Variants in ZNF106 observed in about 807,000 individuals in gnomAD.
ZNF106 encodes SH3-domain binding protein 3.
ZNF106 carries 67 observed loss-of-function variants against 195.1 expected under a neutral mutation model. That is an observed-to-expected ratio of 0.34 (90% CI 0.28 to 0.42). The LOEUF (loss-of-function observed/expected upper bound fraction) is 0.42, where lower values mean the gene tolerates loss of function less well. Ranked by LOEUF, ZNF106 falls within the 10% of genes least tolerant of loss-of-function variation. ZNF106 has a pLI of 1.00. For missense variants in ZNF106, 2,118 were observed against 2,304.5 expected, an observed-to-expected ratio of 0.92 and a Z score of 1.66; for synonymous variants, 784 against 818.6, an observed-to-expected ratio of 0.96 and a Z score of 0.72.
chr15:42,464,589 G>A (rs2056471071), intron 3 of ZNF106, among the ~76,000 whole-genome samples: 1 of 139,824 alleles, frequency 7.2e-6, no homozygotes, highest in Non-Finnish European at 1.5e-5. Context: ...GTGTGGTGGT[G>A]TGATCTTGGC....
At chr15:42,485,453 A>G (rs930100736) in intron 1 of ZNF106, among the ~76,000 whole-genome samples, 1 of 152,196 alleles carries the variant, frequency 6.6e-6, no homozygotes, top group African/African-American at 2.4e-5. Context: ...CTGTCCATGA[A>G]GACTTCGTAT....
rs920316652 is a variant in ZNF106, at chr15:42,451,765, G to C, written c.507C>G (p.Ser169Arg). The change falls in exon 5 of 22, where the codon AGC (serine) becomes AGG (arginine). Residue 169 changes from serine (S) to arginine (R), a missense_variant. Physicochemically the swap from Ser to Arg is moderately radical, Grantham distance 110. Coordinates refer to ENST00000564754, the MANE Select transcript of ZNF106 (RefSeq NM_001366845.3). The stretch of plus-strand genomic sequence containing the variant: ...CACCATTCCTCAAAGAATGTGGAAA[G>C]CTGTTTTTCCTAGTATTATTAAAGC... ...KDGFNNTRKNSFPHSLRNGGG... is the reference protein window; with the variant it reads ...KDGFNNTRKNRFPHSLRNGGG... The C allele has an allele frequency of 6.2e-7, 1 of 1,614,226 alleles. No homozygotes were observed. Among genetic ancestry groups the C allele is most frequent in the African/African-American group, 1.3e-5 (1 of 75,064 alleles).
At chr15:42,448,854 G>A in intron 5 of ZNF106, 149 bp from the exon 6 acceptor site, 1 of 713,524 alleles carries the variant, frequency 1.4e-6, no homozygotes, top group Non-Finnish European at 2.3e-6. Flanking sequence ...CTAGTCAGTG[G>A]TACAGATATA....
chr15:42,454,961 C>A (rs2056179429), intron 4 of ZNF106, among the ~76,000 whole-genome samples: 5 of 151,662 alleles, frequency 3.3e-5, no homozygotes, highest in Non-Finnish European at 5.9e-5. Flanking sequence ...TCAAAAGACT[C>A]AAAAAATAGT....
At chr15:42,432,137 C>T (rs574730898) in intron 14 of ZNF106, among the ~76,000 whole-genome samples, 1 of 152,182 alleles carries the variant, frequency 6.6e-6, no homozygotes, top group East Asian at 1.9e-4. Flanking sequence ...GGATATCCTC[C>T]TTTCTCCAGT....
rs61753567 is a variant in ZNF106, at chr15:42,442,122, C to T, written c.3714G>A (p.Val1238=). 0.073 allele frequency: 117,633 copies of T among 1,613,890 alleles called. 5,320 individuals are homozygous for T. Among genetic ancestry groups the T allele is most frequent in the South Asian group, 0.17 (15,489 of 91,048 alleles). Residue 1238 remains valine (V), a synonymous_variant, in exon 10 of 22, where the codon GTG becomes GTA. Transcript: ENST00000564754. ...ACACATTGCAGGCAGAGCTTGGTGG[C>T]ACAGCATTCACATTCTCATCTTGTT... is the stretch of plus-strand genomic sequence containing the variant. ...SPEQDENVNA[V]PPSSACNVSK...
At chr15:42,445,047 A>G in intron 7 of ZNF106, 66 bp from the exon 8 acceptor site, 1 of 1,569,264 alleles carries the variant, frequency 6.4e-7, no homozygotes, top group Non-Finnish European at 8.7e-7. Context: ...ACAGCTCAGA[A>G]GACTAAACTA....
At chr15:42,470,145 C>A (rs1048290780) in intron 2 of ZNF106, among the ~76,000 whole-genome samples, 1 of 152,100 alleles carries the variant, frequency 6.6e-6, no homozygotes, top group African/African-American at 2.4e-5. Flanking sequence ...CAGTAAGACT[C>A]CATCTCTATT....
chr15:42,439,328 C>T lies in ZNF106; in HGVS notation c.4249G>A (p.Gly1417Arg), dbSNP rs2055409109. ...KVKAGKLIKG[G>R]KVTTSTWEDS... ...TCCCAAGTGGAGGTTGTTACTTTCC[C>T]CCCTTTAATTAACTTTCCAGCTTTT... The change falls in exon 11 of 22, where the codon GGG becomes AGG. Residue 1417 changes from glycine to arginine, a missense_variant. By Grantham distance (125) the Gly-to-Arg change is moderately radical. Coordinates refer to ENST00000564754, the MANE Select transcript of ZNF106 (RefSeq NM_001366845.3). 1 of 1,613,950 alleles carries T rather than the reference C, an allele frequency of 6.2e-7. No individual in the cohort carries two copies. Among genetic ancestry groups the T allele is most frequent in the Admixed American group, 1.7e-5 (1 of 60,000 alleles).
At chr15:42,452,784 C>T (rs1398099167) in intron 4 of ZNF106, among the ~76,000 whole-genome samples, 1 of 147,978 alleles carries the variant, frequency 6.8e-6, no homozygotes, top group Non-Finnish European at 1.5e-5. Flanking sequence ...CTCCCAGGCT[C>T]AAGCAATTCT....
chr15:42,435,587 AC>A (rs2055245046), intron 13 of ZNF106, 69 bp from the exon 14 acceptor site: 1 of 1,584,938 alleles, frequency 6.3e-7, no homozygotes, highest in African/African-American at 1.3e-5. Context: ...TATTTCCTCA[AC>A]AAAAAGATGC....
chr15:42,442,048 T>A, intron 10 of ZNF106, 25 bp downstream of exon 10: 1 of 1,578,986 alleles, frequency 6.3e-7, no homozygotes, highest in Non-Finnish European at 8.6e-7. Context: ...TGGGATGCCC[T>A]TAACCCAGAG....
At position 42,438,656 on chromosome 15, in the gene ZNF106, G is replaced by C; in HGVS notation, c.4556C>G (p.Thr1519Ser). Reference protein sequence around the residue: ...KDGIPVSVAETQTVISSIKGS... With the variant: ...KDGIPVSVAESQTVISSIKGS... ...TTTTATGGAGGAGATCACAGTCTGAGTTTCTGCCACACTACAAAATAATAG... is the reference window on the plus strand; with the variant it reads ...TTTTATGGAGGAGATCACAGTCTGACTTTCTGCCACACTACAAAATAATAG... The change falls in exon 12 of 22, where the codon ACT (threonine) becomes AGT (serine). Residue 1519 changes from threonine (T) to serine (S), a missense_variant. By Grantham distance (58) the Thr-to-Ser change is moderately conservative. Transcript: ENST00000564754. The C allele has an allele frequency of 6.2e-7, 1 of 1,613,800 alleles. No homozygotes were observed. The highest frequency in any genetic ancestry group is 8.5e-7 in the Non-Finnish European group (1 of 1,179,802).
intron 7 of ZNF106, among the ~76,000 whole-genome samples, chr15:42,445,767 TATCCATCAC>T (rs1567012845): frequency 6.6e-6 from 1 of 152,224 alleles, no homozygotes; most frequent in Non-Finnish European, 1.5e-5. Context: ...ACTCCTCCCT[TATCCATCAC>T]ATCCACTCAC....
At position 42,450,278 on chromosome 15, in the gene ZNF106, G is replaced by A. The variant is rs773979492; in HGVS notation, c.1994C>T (p.Pro665Leu). Residue 665 changes from proline to leucine, a missense_variant, in exon 5 of 22, where the codon CCA becomes CTA. Transcript: ENST00000564754. ...TTTCTGGCGAACTATGGGATTACAT[G>A]GGGAAGTGGATAGCTCTCTAGAAGT... Reference protein sequence around the residue: ...LKTSRELSTSPCNPIVRQKES... With the variant: ...LKTSRELSTSLCNPIVRQKES... 3 of 1,614,048 alleles carry A rather than the reference G, an allele frequency of 1.9e-6. No individual in the cohort carries two copies. Among genetic ancestry groups the A allele is most frequent in the African/African-American group, 2.7e-5 (2 of 74,914 alleles).
chr15:42,424,219 C>G, intron 16 of ZNF106, 159 bp from the exon 17 acceptor site: 1 of 599,980 alleles, frequency 1.7e-6, no homozygotes, highest in South Asian at 2.3e-5. Flanking sequence ...TCAGCTGAAA[C>G]TTACACCCCC....
chr15:42,442,529 A>G, intron 9 of ZNF106, 115 bp from the exon 10 acceptor site: 4 of 805,206 alleles, frequency 5.0e-6, no homozygotes, highest in Non-Finnish European at 7.6e-6. Flanking sequence ...TAAGTATATT[A>G]GTATAGTCCC....
At chr15:42,427,249 C>T (rs1304481932) in intron 15 of ZNF106, among the ~76,000 whole-genome samples, 7 of 152,172 alleles carry the variant, frequency 4.6e-5, no homozygotes, top group Non-Finnish European at 1.0e-4. Flanking sequence ...ACCAATCTTT[C>T]CCAATCTTAT....
chr15:42,418,558 T>TTTTTTTTTTTTTTA (rs1256860572), intron 20 of ZNF106, among the ~76,000 whole-genome samples: 2 of 141,194 alleles, frequency 1.4e-5, no homozygotes, highest in Admixed American at 7.6e-5. Flanking sequence ...TTTTTTTTTT[T>TTTTTTTTTTTTTTA]AGTAAAGACA....
Sources: allele counts gnomAD v4.1 joint callset (sites outside exome capture counted in the v4.1 genomes callset), GRCh38; gene constraint gnomAD v4.1.1; transcripts MANE v1.5; gene names NCBI Gene and HGNC (gene_info 2026-07-23, HGNC 2026-07-21).